The following ADAMTSL1 variants were observed in gnomAD, a reference collection of about 807,000 sequenced individuals.
ADAMTSL1 encodes ADAMTS-like protein 1.
ADAMTSL1 carries 126 observed loss-of-function variants against 201.8 expected under a neutral mutation model. The observed-to-expected ratio is 0.62, with a 90% confidence interval of 0.54 to 0.72. The LOEUF (loss-of-function observed/expected upper bound fraction) is 0.72. Among genes scored for constraint, ADAMTSL1 ranks in the 30% least tolerant of loss-of-function variants. ADAMTSL1 has a pLI of 0.00. For missense variants in ADAMTSL1, 2,679 were observed against 2,277.8 expected (o/e 1.18, Z -3.59); for synonymous variants, 1,121 against 903.4 (o/e 1.24, Z -4.32).
At chr9:18,314,181 G>C (rs1414504993) in intron 2 of ADAMTSL1, among the ~76,000 whole-genome samples, 3 of 152,178 alleles carry the variant, frequency 2.0e-5, no homozygotes, top group African/African-American at 7.2e-5. Flanking sequence ...ACAAGAGATA[G>C]CACATGTTGG....
chr9:18,541,630 A>G (rs1378728934), intron 3 of ADAMTSL1, among the ~76,000 whole-genome samples: 1 of 152,234 alleles, frequency 6.6e-6, no homozygotes, highest in East Asian at 1.9e-4. Flanking sequence ...TGTAGCAGAA[A>G]GAACATGGGC....
At chr9:18,853,325 C>T (rs534939981) in intron 23 of ADAMTSL1, among the ~76,000 whole-genome samples, 1 of 152,300 alleles carries the variant, frequency 6.6e-6, no homozygotes, top group South Asian at 2.1e-4. Flanking sequence ...TTTTAGTACT[C>T]AAATCAGTTC....
intron 4 of ADAMTSL1, among the ~76,000 whole-genome samples, chr9:18,610,037 A>T (rs1825278244): frequency 6.6e-6 from 1 of 152,144 alleles, no homozygotes; most frequent in African/African-American, 2.4e-5. Flanking sequence ...CATCACATAG[A>T]TTCTTGGTAT....
At chr9:18,626,878 C>CTTTCTTTCTTTCTGTCTTT (rs1461320087) in intron 5 of ADAMTSL1, among the ~76,000 whole-genome samples, 134 of 90,056 alleles carry the variant, frequency 1.5e-3, no homozygotes, top group African/African-American at 7.5e-3. Flanking sequence ...TGTCTTTCTT[C>CTTTCTTTCTTTCTGTCTTT]CTTCCTTCCT....
intron 1 of ADAMTSL1, among the ~76,000 whole-genome samples, chr9:17,960,143 G>T (rs1817682330): frequency 1.3e-5 from 2 of 152,114 alleles, no homozygotes; most frequent in African/African-American, 4.8e-5. Flanking sequence ...ACGGTTCCAT[G>T]TTTGGTCCAG....
At chr9:18,557,687 T>G (rs1802174655) in intron 3 of ADAMTSL1, among the ~76,000 whole-genome samples, 1 of 152,044 alleles carries the variant, frequency 6.6e-6, no homozygotes, top group African/African-American at 2.4e-5. Flanking sequence ...GCTACAGTCT[T>G]CTACAAGCGG....
intron 3 of ADAMTSL1, among the ~76,000 whole-genome samples, chr9:18,559,431 C>G (rs1821328894): frequency 6.6e-6 from 1 of 152,150 alleles, no homozygotes; most frequent in African/African-American, 2.4e-5. Context: ...AGTTTGAAGT[C>G]AGGTAATGTG....
In ADAMTSL1 at chr9:18,048,068, A is replaced by G. The variant is rs115974258; in HGVS notation, c.88-115794A>G. Among the ~76,000 whole-genome samples, 718 of 152,336 alleles carry G rather than the reference A, an allele frequency of 4.7e-3. 5 individuals are homozygous for G. The highest frequency in any genetic ancestry group is 0.016 in the African/African-American group (686 of 41,588). On this transcript the variant is annotated intron_variant, in intron 1 of 29. Coordinates refer to the ADAMTSL1 transcript ENST00000680146. ...GGACAGGGAGTAAACATTTGACACT[A>G]TGCTTCTGGCATCATTATCTTGGAA...
chr9:18,643,757 T>C (rs1827596164), intron 7 of ADAMTSL1, among the ~76,000 whole-genome samples: 1 of 152,072 alleles, frequency 6.6e-6, no homozygotes, highest in African/African-American at 2.4e-5. Flanking sequence ...TTTAGACTGG[T>C]ACCATGTTGT....
chr9:18,362,232 A>G (rs1381085401), intron 2 of ADAMTSL1: 1 of 152,252 alleles, frequency 6.6e-6, no homozygotes, highest in Non-Finnish European at 1.5e-5. Context: ...TGGAATATAG[A>G]GCAGAATGCA....
At chr9:18,677,552 C>G (rs1830198439) in intron 10 of ADAMTSL1, among the ~76,000 whole-genome samples, 1 of 151,962 alleles carries the variant, frequency 6.6e-6, no homozygotes, top group Non-Finnish European at 1.5e-5. Flanking sequence ...CAGGAGTAAG[C>G]AACGTCAAGT....
intron 9 of ADAMTSL1, among the ~76,000 whole-genome samples, chr9:18,665,989 C>T (rs1423010355): frequency 6.6e-6 from 1 of 152,154 alleles, no homozygotes; most frequent in African/African-American, 2.4e-5. Flanking sequence ...TAGCTCATAA[C>T]ATAATTGAGA....
At chr9:18,752,624 G>T (rs746193835) in intron 15 of ADAMTSL1, among the ~76,000 whole-genome samples, 1 of 152,170 alleles carries the variant, frequency 6.6e-6, no homozygotes, top group Non-Finnish European at 1.5e-5. Context: ...CTTTGGAAAT[G>T]GCCAGTTCGT....
chr9:18,706,989 A>T lies in ADAMTSL1; in HGVS notation c.1817A>T (p.Asp606Val). 2 of 1,613,906 alleles carry T rather than the reference A, an allele frequency of 1.2e-6. No individual in the cohort carries two copies. Among genetic ancestry groups the T allele is most frequent in the Non-Finnish European group, 1.7e-6 (2 of 1,179,882 alleles). ...DGLFGGLQDF[D>V]ELYDWEYEGF... is the part of the protein sequence containing the mutation. ...CTCTTTGGTGGCCTGCAGGATTTCG[A>T]CGAGCTGTATGACTGGGAGTATGAG... Residue 606 changes from aspartate to valine, a missense_variant, in exon 14 of 29, where the codon GAC (aspartate) becomes GTC (valine). Physicochemically the swap from Asp to Val is radical, Grantham distance 152. Transcript: ENST00000380548.
chr9:18,059,252 G>T (rs1305190649), intron 1 of ADAMTSL1, among the ~76,000 whole-genome samples: 22 of 152,134 alleles, frequency 1.4e-4, no homozygotes, highest in Non-Finnish European at 1.0e-4. Context: ...CCTTGCAAAG[G>T]TAGGTTTCAT....
rs1157202593 is a variant in ADAMTSL1 at position 18,088,047 on chromosome 9, G to A, written c.88-75815G>A. ...TAATTAAAACTATGTATTTGCATAA[G>A]TACAGACATACAGACCAATGGAACA... is the stretch of plus-strand genomic sequence containing the variant. On this transcript the variant is annotated intron_variant, in intron 1 of 29. Transcript: ENST00000680146. Among the ~76,000 whole-genome samples the A allele has an allele frequency of 2.0e-5, 3 of 152,020 alleles. No homozygotes were observed. In the South Asian group the frequency reaches 6.2e-4, roughly 32 times the overall value.
intron 1 of ADAMTSL1, among the ~76,000 whole-genome samples, chr9:18,484,508 T>G (rs950402669): frequency 1.3e-5 from 2 of 152,346 alleles, no homozygotes; most frequent in East Asian, 3.9e-4. Context: ...AAACCTAAGC[T>G]TAATGGGTGT....
At chr9:18,572,781 A>C (rs1414847953) in intron 3 of ADAMTSL1, among the ~76,000 whole-genome samples, 3 of 152,154 alleles carry the variant, frequency 2.0e-5, no homozygotes, top group African/African-American at 7.2e-5. Flanking sequence ...AGAGAAAGAA[A>C]CCTTATATAA....
chr9:17,954,534 T>G (rs956202309), intron 1 of ADAMTSL1, among the ~76,000 whole-genome samples: 1 of 152,232 alleles, frequency 6.6e-6, no homozygotes, highest in African/African-American at 2.4e-5. Context: ...CATGACATTT[T>G]CAATGGGAAA....
Sources: gnomAD v4.1 joint callset for allele counts (sites outside exome capture counted in the v4.1 genomes callset) on GRCh38, gnomAD v4.1.1 for gene constraint, MANE v1.5 for transcripts, NCBI Gene and HGNC (gene_info 2026-07-23, HGNC 2026-07-21) for gene names.